The following BMPER variants were observed in gnomAD, a reference collection of about 807,000 sequenced individuals.
The protein encoded by BMPER is BMP binding endothelial regulator.
Under a neutral mutation model 87.3 loss-of-function variants are expected in BMPER, and 45 were observed. That is an observed-to-expected ratio of 0.52 (90% confidence interval 0.41 to 0.66). The LOEUF (loss-of-function observed/expected upper bound fraction) is 0.66, where lower values mean the gene tolerates loss of function less well. Ranked by LOEUF, BMPER falls within the 30% of genes least tolerant of loss-of-function variation. The pLI is 0.00. For missense variants in BMPER, 784 were observed against 867.5 expected, an observed-to-expected ratio of 0.90 and a Z score of 1.21; for synonymous variants, 326 against 316.2, an observed-to-expected ratio of 1.03 and a Z score of -0.33.
intron 13 of BMPER, among the ~76,000 whole-genome samples, chr7:34,110,979 A>G (rs1392617699): frequency 6.6e-6 from 1 of 152,228 alleles, no homozygotes; most frequent in Non-Finnish European, 1.5e-5. Context: ...TTCCAAGAGA[A>G]AAAGTCCTTC....
At chr7:34,020,915 T>C (rs1787167324) in intron 6 of BMPER, among the ~76,000 whole-genome samples, 1 of 151,396 alleles carries the variant, frequency 6.6e-6, no homozygotes, top group Non-Finnish European at 1.5e-5. Flanking sequence ...CATATGCATA[T>C]GTTATAGGGT....
intron 6 of BMPER, 34 bp from the exon 7 acceptor site, chr7:34,046,272 T>C: frequency 6.3e-7 from 1 of 1,598,514 alleles, no homozygotes; most frequent in Non-Finnish European, 8.6e-7. Flanking sequence ...CACTTACTTT[T>C]CTAAATATGC....
rs73316037 is a variant in BMPER at position 33,973,364 on chromosome 7, C to A, written c.494-1338C>A. 6.5e-3 allele frequency among the ~76,000 whole-genome samples: 996 copies of A among 152,326 alleles called. 7 individuals are homozygous for A. Among genetic ancestry groups the A allele is most frequent in the African/African-American group, 0.022 (935 of 41,574 alleles). On this transcript the variant is annotated intron_variant, in intron 5 of 14. Coordinates refer to ENST00000649409, the MANE Select transcript of BMPER (RefSeq NM_001365308.1). The stretch of plus-strand genomic sequence containing the variant: ...GCCCCACACTTACCAGGCCTTCTGG[C>A]ATCACTGAGAATACCAAGGAGCTGG...
In BMPER at chr7:33,966,544, G is replaced by C. The variant is rs749047418; in HGVS notation, c.385G>C (p.Val129Leu). The C allele has an allele frequency of 3.1e-6, 5 of 1,613,620 alleles. No homozygotes were observed. The African/African-American group carries it at 6.7e-5, about 22-fold the overall frequency. Residue 129 changes from valine to leucine, a missense_variant, in exon 4 of 15, where the codon GTT becomes CTT. Coordinates refer to ENST00000649409, the MANE Select transcript of BMPER (RefSeq NM_001365308.1). ...ATGGCAGAGCCCGGCTGAGCCTTGT[G>C]TTCTACGCCAGTGCCAGGTAAAGTT... ...FKWQSPAEPC[V>L]LRQCQEGVVT...
intron 3 of BMPER, among the ~76,000 whole-genome samples, chr7:33,965,930 G>T (rs907029530): frequency 6.6e-6 from 1 of 152,184 alleles, no homozygotes; most frequent in African/African-American, 2.4e-5. Flanking sequence ...AATATAAAAA[G>T]TAAGTATGAA....
intron 6 of BMPER, among the ~76,000 whole-genome samples, chr7:34,026,672 G>A (rs1001174419): frequency 6.6e-5 from 10 of 152,098 alleles, no homozygotes; most frequent in Admixed American, 1.3e-4. Context: ...CAAGTGCTTT[G>A]TTGGTCTTCT....
At chr7:34,114,308 T>G (rs990026352) in intron 13 of BMPER, among the ~76,000 whole-genome samples, 3 of 152,216 alleles carry the variant, frequency 2.0e-5, no homozygotes, top group African/African-American at 7.2e-5. Context: ...CCTGGCTGTG[T>G]TCAACAGTTG....
chr7:34,138,250 C>T (rs1271603282), intron 13 of BMPER, among the ~76,000 whole-genome samples: 2 of 152,174 alleles, frequency 1.3e-5, no homozygotes, highest in African/African-American at 4.8e-5. Context: ...GAAGGCTTCT[C>T]TGCAGATGAG....
At chr7:34,061,950 GT>G (rs3083769) in intron 10 of BMPER, 51 bp from the exon 11 acceptor site, 45,099 of 1,140,986 alleles carry the variant, frequency 0.04, 75 homozygotes, top group African/African-American at 0.068. Context: ...AGGAGACCCT[GT>G]TTTTTTTTTT....
intron 13 of BMPER, among the ~76,000 whole-genome samples, chr7:34,109,138 G>A (rs1319286955): frequency 1.3e-5 from 2 of 152,182 alleles, no homozygotes; most frequent in Admixed American, 1.3e-4. Context: ...TGAGTCTGAA[G>A]GCTTGAGACC....
intron 13 of BMPER, among the ~76,000 whole-genome samples, chr7:34,140,893 C>T (rs1428718653): frequency 6.6e-6 from 1 of 152,158 alleles, no homozygotes; most frequent in Non-Finnish European, 1.5e-5. Context: ...CATCATTTTA[C>T]CAGGTCCATG....
chr7:33,925,198 C>G (rs993606701), intron 2 of BMPER, among the ~76,000 whole-genome samples: 1 of 152,110 alleles, frequency 6.6e-6, no homozygotes, highest in Non-Finnish European at 1.5e-5. Flanking sequence ...ATTTGTTGGG[C>G]GAATTCATCT....
At chr7:33,958,353 C>T (rs1243158747) in intron 3 of BMPER, among the ~76,000 whole-genome samples, 2 of 152,112 alleles carry the variant, frequency 1.3e-5, no homozygotes, top group East Asian at 3.9e-4. Context: ...GCTTTGAGCC[C>T]TCATTATTTG....
Position 34,044,056 on chromosome 7 carries a change from G to A in BMPER, c.577-2250G>A, listed in dbSNP as rs916256688. Among the ~76,000 whole-genome samples the A allele has an allele frequency of 1.7e-4, 26 of 152,316 alleles. No homozygotes were observed. In the South Asian group the frequency reaches 5.4e-3, roughly 32 times the overall value. Reference sequence around the variant, plus strand: ...TTTCTTTGGAGGCATTAATTGGAATGCAGCCTCTGGACTTGGGCTTTGCCA... The same window carrying A: ...TTTCTTTGGAGGCATTAATTGGAATACAGCCTCTGGACTTGGGCTTTGCCA... On this transcript the variant is annotated intron_variant, in intron 6 of 14. Coordinates refer to ENST00000649409, the MANE Select transcript of BMPER (RefSeq NM_001365308.1).
chr7:34,027,557 T>A (rs557107440), intron 6 of BMPER, among the ~76,000 whole-genome samples: 53 of 152,194 alleles, frequency 3.5e-4, no homozygotes, highest in Non-Finnish European at 5.3e-4. Flanking sequence ...GGAAAAACAC[T>A]TATGTGTTTA....
At chr7:34,031,013 G>T (rs769070900) in intron 6 of BMPER, among the ~76,000 whole-genome samples, 6 of 152,022 alleles carry the variant, frequency 3.9e-5, no homozygotes, top group Non-Finnish European at 8.8e-5. Context: ...TGTCTTTCAC[G>T]TTAGGTCAAG....
intron 4 of BMPER, among the ~76,000 whole-genome samples, chr7:33,967,182 C>G (rs1435785576): frequency 6.6e-6 from 1 of 152,134 alleles, no homozygotes. Flanking sequence ...CCTAAATTTT[C>G]AAACTCCTCC....
chr7:33,981,563 A>G (rs547807048), intron 6 of BMPER, among the ~76,000 whole-genome samples: 129 of 152,138 alleles, frequency 8.5e-4, no homozygotes, highest in Non-Finnish European at 3.1e-4. Flanking sequence ...GTTTTATTTA[A>G]CTCCATCCAT....
At chr7:34,072,676 T>C (rs1206589134) in intron 11 of BMPER, among the ~76,000 whole-genome samples, 1 of 152,150 alleles carries the variant, frequency 6.6e-6, no homozygotes, top group Non-Finnish European at 1.5e-5. Flanking sequence ...TAATTCCCTC[T>C]TGCCATGTAA....
Sources: allele counts gnomAD v4.1 joint callset (sites outside exome capture counted in the v4.1 genomes callset), GRCh38; gene constraint gnomAD v4.1.1; transcripts MANE v1.5; gene names NCBI Gene and HGNC (gene_info 2026-07-23, HGNC 2026-07-21).